Variants in CTNNA2 observed in about 807,000 individuals in gnomAD.
CTNNA2 encodes catenin alpha 2, also known as catenin alpha-2.
CTNNA2 carries 42 observed loss-of-function variants against 101.0 expected under a neutral mutation model. That is an observed-to-expected ratio of 0.42 (90% CI 0.32 to 0.54). The LOEUF (loss-of-function observed/expected upper bound fraction) is 0.54. Ranked by LOEUF, CTNNA2 falls within the 20% of genes least tolerant of loss-of-function variation. CTNNA2 has a pLI of 0.14. For missense variants in CTNNA2, 871 were observed against 1,223.1 expected, an observed-to-expected ratio of 0.71 and a Z score of 4.29; for synonymous variants, 450 against 456.4, an observed-to-expected ratio of 0.99 and a Z score of 0.18.
chr2:79,329,729 G>T (rs1334699662), intron 3 of CTNNA2, among the ~76,000 whole-genome samples: 1 of 152,118 alleles, frequency 6.6e-6, no homozygotes, highest in African/African-American at 2.4e-5. Flanking sequence ...GACACTTAGA[G>T]ATCTCAAAGT....
rs146456637 is a variant in CTNNA2, at chr2:80,229,754, C to T, written c.1057-163457C>T. 4.1e-4 allele frequency among the ~76,000 whole-genome samples: 63 copies of T among 152,294 alleles called. 2 individuals are homozygous for T. The highest frequency in any genetic ancestry group is 1.3e-3 in the African/African-American group (56 of 41,578). On this transcript the variant is annotated intron_variant, in intron 7 of 18. Coordinates refer to ENST00000402739, the MANE Select transcript of CTNNA2 (RefSeq NM_001282597.3). ...ACTTGATTCCCATGGCAACCAGTCT[C>T]TATCCTTAGAGACCTTCCAAAAGTT... is the stretch of plus-strand genomic sequence containing the variant.
intron 7 of CTNNA2, among the ~76,000 whole-genome samples, chr2:79,941,002 T>C (rs1688121347): frequency 6.6e-6 from 1 of 152,182 alleles, no homozygotes. Context: ...GTGATCTTTA[T>C]AGCATGAATT....
chr2:79,665,264 T>C (rs567646255), intron 2 of CTNNA2, among the ~76,000 whole-genome samples: 1 of 152,192 alleles, frequency 6.6e-6, no homozygotes, highest in Non-Finnish European at 1.5e-5. Context: ...CTGGGCGTGG[T>C]CTCTGCTCTG....
intron 3 of CTNNA2, among the ~76,000 whole-genome samples, chr2:79,750,009 C>G (rs575659924): frequency 3.9e-5 from 6 of 152,208 alleles, no homozygotes; most frequent in South Asian, 4.1e-4. Flanking sequence ...TTGAGTAGCT[C>G]GGTATGGCTT....
At chr2:80,548,679 G>A (rs1268764628) in intron 11 of CTNNA2, among the ~76,000 whole-genome samples, 1 of 152,208 alleles carries the variant, frequency 6.6e-6, no homozygotes, top group East Asian at 1.9e-4. Context: ...GCATGCCTTT[G>A]GAGTTGACAA....
chr2:80,296,575 A>T (rs6743980), intron 7 of CTNNA2, among the ~76,000 whole-genome samples: 4 of 151,962 alleles, frequency 2.6e-5, no homozygotes, highest in Non-Finnish European at 4.4e-5. Context: ...GGCAAGAGAA[A>T]GACTTAAAAG....
At chr2:80,248,033 G>A (rs970640095) in intron 7 of CTNNA2, among the ~76,000 whole-genome samples, 1 of 148,604 alleles carries the variant, frequency 6.7e-6, no homozygotes, top group African/African-American at 2.5e-5. Context: ...TTTTTTTTGT[G>A]GGGGCAGGGG....
intron 3 of CTNNA2, among the ~76,000 whole-genome samples, chr2:79,855,972 T>C (rs1295108388): frequency 6.6e-6 from 1 of 152,156 alleles, no homozygotes; most frequent in Non-Finnish European, 1.5e-5. Flanking sequence ...CTTTTTTTAT[T>C]TGTGAGGAGG....
chr2:79,700,898 C>A (rs1287689702), intron 2 of CTNNA2, among the ~76,000 whole-genome samples: 1 of 152,124 alleles, frequency 6.6e-6, no homozygotes. Flanking sequence ...TCTAGAGAAT[C>A]GTAAATGTGT....
At chr2:79,679,615 T>C (rs1024865473) in intron 2 of CTNNA2, among the ~76,000 whole-genome samples, 1 of 152,130 alleles carries the variant, frequency 6.6e-6, no homozygotes, top group African/African-American at 2.4e-5. Flanking sequence ...TTCTGTTCCA[T>C]GGCAGCTGAC....
intron 4 of CTNNA2, among the ~76,000 whole-genome samples, chr2:79,398,998 A>G (rs999711945): frequency 5.3e-5 from 8 of 152,112 alleles, no homozygotes; most frequent in African/African-American, 1.7e-4. Flanking sequence ...GAGCCATTGG[A>G]AGAGGTAGAA....
intron 4 of CTNNA2, among the ~76,000 whole-genome samples, chr2:79,412,859 A>C (rs2104493634): frequency 6.6e-6 from 1 of 152,238 alleles, no homozygotes; most frequent in South Asian, 2.1e-4. Flanking sequence ...ACAGAATGGC[A>C]TGAAAAGGAA....
intron 3 of CTNNA2, among the ~76,000 whole-genome samples, chr2:79,806,070 C>T (rs188304473): frequency 6.6e-6 from 1 of 152,246 alleles, no homozygotes; most frequent in African/African-American, 2.4e-5. Flanking sequence ...TATAAATTCT[C>T]TTTCCTGCTT....
chr2:80,078,471 G>A (rs1381754262), intron 7 of CTNNA2, among the ~76,000 whole-genome samples: 1 of 152,166 alleles, frequency 6.6e-6, no homozygotes, highest in Non-Finnish European at 1.5e-5. Flanking sequence ...GCAGAAAAGT[G>A]GACATGGGTC....
At chr2:79,319,534 C>G (rs539049081) in intron 3 of CTNNA2, among the ~76,000 whole-genome samples, 1 of 151,550 alleles carries the variant, frequency 6.6e-6, no homozygotes, top group South Asian at 2.1e-4. Context: ...CCCTTACTTA[C>G]TGTAAACTTA....
At chr2:79,400,951 A>G (rs1417285471) in intron 4 of CTNNA2, among the ~76,000 whole-genome samples, 1 of 151,998 alleles carries the variant, frequency 6.6e-6, no homozygotes, top group Non-Finnish European at 1.5e-5. Flanking sequence ...AAGACTTCTC[A>G]GCAGAAACCA....
chr2:80,267,400 T>C (rs1291286625), intron 7 of CTNNA2, among the ~76,000 whole-genome samples: 2 of 152,222 alleles, frequency 1.3e-5, no homozygotes, highest in Admixed American at 6.5e-5. Flanking sequence ...GACTGGCATT[T>C]GCTGACAGCA....
chr2:79,469,421 C>T lies in CTNNA2; in HGVS notation c.-134-35633C>T, dbSNP rs182936533. ...CAACCAAAAAAGGTCCAGGACCAGA[C>T]GGATTCACAGCCGAATTCTACCAGA... On this transcript the variant is annotated intron_variant, in intron 4 of 21. Coordinates refer to the CTNNA2 transcript ENST00000466387. 1.6e-3 allele frequency among the ~76,000 whole-genome samples: 250 copies of T among 152,188 alleles called. 2 individuals carry two copies. Among genetic ancestry groups the T allele is most frequent in the African/African-American group, 5.2e-3 (218 of 41,542 alleles).
intron 4 of CTNNA2, among the ~76,000 whole-genome samples, chr2:79,428,618 GA>G (rs1385392238): frequency 6.6e-6 from 1 of 151,964 alleles, no homozygotes; most frequent in Admixed American, 6.6e-5. Flanking sequence ...ACAAAAAAAA[GA>G]AACAGGCAAG....
Sources: allele counts gnomAD v4.1 joint callset (sites outside exome capture counted in the v4.1 genomes callset), GRCh38; gene constraint gnomAD v4.1.1; transcripts MANE v1.5; gene names NCBI Gene and HGNC (gene_info 2026-07-23, HGNC 2026-07-21).